Variants in KREMEN1 observed in about 807,000 individuals in gnomAD.
KREMEN1 encodes kremen protein 1.
In KREMEN1, 30 loss-of-function variants were observed where a neutral mutation model predicts 46.5. The ratio of observed to expected loss-of-function variants is 0.65; its 90% CI spans 0.48 to 0.88. The LOEUF (loss-of-function observed/expected upper bound fraction) is 0.88. Ranked by LOEUF, KREMEN1 falls within the 40% of genes least tolerant of loss-of-function variation. KREMEN1 has a pLI of 0.00. For synonymous variants in KREMEN1, 214 were observed against 230.6 expected (o/e 0.93, Z 0.65); for missense variants, 533 against 596.9 (o/e 0.89, Z 1.11).
intron 3 of KREMEN1, chr22:29,111,684 G>GC (rs2038154399): frequency 7.0e-6 from 1 of 143,252 alleles, no homozygotes; most frequent in East Asian, 2.1e-4. Flanking sequence ...TTTTACTTAG[G>GC]AAAAAAAAAA....
intron 8 of KREMEN1, among the ~76,000 whole-genome samples, chr22:29,141,519 A>C (rs1196716182): frequency 6.6e-6 from 1 of 152,232 alleles, no homozygotes; most frequent in Admixed American, 6.5e-5. Context: ...GGCTGAACAG[A>C]GTCCGGGCCA....
chr22:29,149,941 G>A (rs1285544986), downstream of KREMEN1, among the ~76,000 whole-genome samples: 1 of 152,244 alleles, frequency 6.6e-6, no homozygotes, highest in Non-Finnish European at 1.5e-5. Context: ...AGGCTTGGAA[G>A]TCACATGACC....
chr22:29,115,613 T>C (rs2038226115), intron 3 of KREMEN1, among the ~76,000 whole-genome samples: 1 of 152,136 alleles, frequency 6.6e-6, no homozygotes, highest in African/African-American at 2.4e-5. Flanking sequence ...CTTTAGTTGC[T>C]CATAGTTAAT....
Position 29,144,616 on chromosome 22 carries a change from A to G in KREMEN1, c.*2504A>G, listed in dbSNP as rs1297628437. ...TGTTTGTGGAATCTCTCTCAAACAT[A>G]AGTGTCAGGTGTGTGTCGTCCCAAC... On this transcript the variant is annotated 3_prime_UTR_variant, in exon 9 of 9. Transcript: ENST00000400335. 6.1e-6 allele frequency: 6 copies of G among 985,414 alleles called. No individual in the cohort carries two copies. Among genetic ancestry groups the G allele is most frequent in the Non-Finnish European group, 1.2e-6 (1 of 829,990 alleles). 61.0% of individuals were successfully genotyped at this position (985,414 alleles called of 1,614,324 possible). A position where few individuals can be genotyped will look rare whatever the true frequency, so the allele number is the denominator to read the frequency against.
chr22:29,123,914 A>G (rs749899311), intron 4 of KREMEN1, among the ~76,000 whole-genome samples: 14 of 152,244 alleles, frequency 9.2e-5, no homozygotes, highest in African/African-American at 1.7e-4. Context: ...AAAATAAAAT[A>G]TACTGAAAAT....
chr22:29,152,282 C>T (rs115178769), intron 9 of KREMEN1, among the ~76,000 whole-genome samples: 1,921 of 152,266 alleles, frequency 0.013, 46 homozygotes, highest in African/African-American at 0.044. Flanking sequence ...CTACAAGCGG[C>T]TCCAAGGACA....
chr22:29,120,535 G>A (rs2038335546), intron 3 of KREMEN1, among the ~76,000 whole-genome samples: 4 of 117,818 alleles, frequency 3.4e-5, no homozygotes, highest in South Asian at 3.3e-4. Context: ...TGATGGAAAC[G>A]GAGGAGGGAG....
At chr22:29,103,097 C>T (rs924192524) in intron 3 of KREMEN1, among the ~76,000 whole-genome samples, 3 of 152,124 alleles carry the variant, frequency 2.0e-5, no homozygotes, top group African/African-American at 7.2e-5. Flanking sequence ...ATACAGCCAT[C>T]CTATTTTAGG....
rs906663246 is a variant in KREMEN1, at chr22:29,145,711, T to A, written c.*3599T>A. ...AACCCGAGTGACTTCACCCGCCCTG[T>A]CCCCCACGTCAGGACAGGCTTGAGG... On this transcript the variant is annotated 3_prime_UTR_variant, in exon 9 of 9. Transcript: ENST00000400335. 6.1e-6 allele frequency: 6 copies of A among 985,350 alleles called. No homozygotes were observed. The African/African-American group carries it at 1.0e-4, about 17-fold the overall frequency. The allele number at this position is 985,350 out of a possible 1,614,324, so 61.0% of individuals were successfully genotyped here.
At position 29,140,379 on chromosome 22, in the gene KREMEN1, G is replaced by C; in HGVS notation, c.1208+13G>C. The C allele has an allele frequency of 1.3e-6, 2 of 1,588,718 alleles. No individual in the cohort carries two copies. The highest frequency in any genetic ancestry group is 1.7e-6 in the Non-Finnish European group (2 of 1,156,958). ...ACGTCACATTCAAGTGAGTACAAGA[G>C]GGAGCTGCCCAATTCCAGGAAAGGG... On this transcript the variant is annotated intron_variant, in intron 8 of 8. Coordinates refer to ENST00000400335, the MANE Select transcript of KREMEN1 (RefSeq NM_001039570.3).
chr22:29,146,472 T>C lies in KREMEN1; in HGVS notation c.*4360T>C. 9 of 985,578 alleles carry C rather than the reference T, an allele frequency of 9.1e-6. No individual in the cohort carries two copies. Among genetic ancestry groups the C allele is most frequent in the Non-Finnish European group, 9.6e-6 (8 of 829,954 alleles). The allele number at this position is 985,578 out of a possible 1,614,324, so 61.1% of individuals were successfully genotyped here. A position where few individuals can be genotyped will look rare whatever the true frequency, so the allele number is the denominator to read the frequency against. ...ATCTGCTTCAGAAAGGAAGGGTCTT[T>C]AGACACAAAGACTGGAGGCCCTTCC... On this transcript the variant is annotated 3_prime_UTR_variant, in exon 9 of 9. Coordinates refer to ENST00000400335, the MANE Select transcript of KREMEN1 (RefSeq NM_001039570.3).
intron 2 of KREMEN1, among the ~76,000 whole-genome samples, chr22:29,096,909 G>T (rs1214080791): frequency 6.6e-6 from 1 of 152,316 alleles, no homozygotes; most frequent in Non-Finnish European, 1.5e-5. Context: ...TGTTTGTCTT[G>T]TGTGACTTTT....
chr22:29,105,221 T>G (rs2038036554), intron 3 of KREMEN1, among the ~76,000 whole-genome samples: 1 of 152,174 alleles, frequency 6.6e-6, no homozygotes, highest in South Asian at 2.1e-4. Context: ...GGGTCTTGTT[T>G]AGGGCTTCTC....
Position 29,094,315 on chromosome 22 carries a change from A to C in KREMEN1, c.155A>C (p.Gln52Pro). 6.2e-7 allele frequency: 1 copy of C among 1,614,016 alleles called. No individual in the cohort carries two copies. The highest frequency in any genetic ancestry group is 8.5e-7 in the Non-Finnish European group (1 of 1,179,916). The change falls in exon 2 of 9, where the codon CAA (glutamine) becomes CCA (proline). Residue 52 changes from glutamine (Q) to proline (P), a missense_variant. Coordinates refer to ENST00000400335, the MANE Select transcript of KREMEN1 (RefSeq NM_001039570.3). The stretch of plus-strand genomic sequence containing the variant: ...GGAACACAGAACTGGACAGCACTAC[A>C]AGGCGGGAAGCCATGTCTGTTTTGG... The part of the protein sequence containing the change: ...YRGTQNWTAL[Q>P]GGKPCLFWNE...
intron 1 of KREMEN1, among the ~76,000 whole-genome samples, chr22:29,086,118 G>T (rs764571312): frequency 6.6e-6 from 1 of 151,634 alleles, no homozygotes; most frequent in Non-Finnish European, 1.5e-5. Flanking sequence ...TTAGCCATGA[G>T]TACTTTCCAG....
intron 3 of KREMEN1, among the ~76,000 whole-genome samples, chr22:29,118,293 C>G (rs1480029209): frequency 6.6e-6 from 1 of 152,248 alleles, no homozygotes; most frequent in Non-Finnish European, 1.5e-5. Context: ...GTAACCTAAT[C>G]CCAGAAGTGA....
intron 2 of KREMEN1, among the ~76,000 whole-genome samples, chr22:29,095,816 C>G (rs1376259523): frequency 6.6e-6 from 1 of 152,090 alleles, no homozygotes; most frequent in Non-Finnish European, 1.5e-5. Flanking sequence ...ACTGACCATT[C>G]CCTCCTAGTT....
chr22:29,081,776 T>A (rs1642051174), intron 1 of KREMEN1, among the ~76,000 whole-genome samples: 9 of 152,224 alleles, frequency 5.9e-5, no homozygotes, highest in Admixed American at 5.9e-4. Context: ...AAATTCCTCC[T>A]GTGTGCCCAG....
intron 3 of KREMEN1, among the ~76,000 whole-genome samples, chr22:29,099,826 G>A (rs886910213): frequency 6.6e-6 from 1 of 151,974 alleles, no homozygotes; most frequent in East Asian, 1.9e-4. Flanking sequence ...GGGATTACAG[G>A]CGTGAGCCAC....
Sources: gnomAD v4.1 joint callset for allele counts (sites outside exome capture counted in the v4.1 genomes callset) on GRCh38, gnomAD v4.1.1 for gene constraint, MANE v1.5 for transcripts, NCBI Gene and HGNC (gene_info 2026-07-23, HGNC 2026-07-21) for gene names.